The following ANO3 variants were observed in gnomAD, a reference collection of about 807,000 sequenced individuals.
The protein encoded by ANO3 is anoctamin-3.
A neutral mutation model predicts 144.8 loss-of-function variants in ANO3; 99 were observed. The ratio of observed to expected loss-of-function variants is 0.68; its 90% CI spans 0.58 to 0.81. ANO3 has a LOEUF of 0.81. Among genes scored for constraint, ANO3 ranks in the 30% least tolerant of loss-of-function variants. ANO3 has a pLI of 0.00. For missense variants in ANO3, 905 were observed against 1,202.2 expected (o/e 0.75, Z 3.66); for synonymous variants, 414 against 392.6 (o/e 1.05, Z -0.64).
intron 1 of ANO3, among the ~76,000 whole-genome samples, chr11:26,405,283 C>G (rs1215654603): frequency 1.3e-5 from 2 of 151,730 alleles, no homozygotes; most frequent in African/African-American, 4.8e-5. Context: ...CCTCAGTCAC[C>G]TTTGGATATC....
intron 3 of ANO3, among the ~76,000 whole-genome samples, chr11:26,453,517 CAAG>C (rs1859029276): frequency 6.6e-6 from 1 of 152,116 alleles, no homozygotes; most frequent in African/African-American, 2.4e-5. Context: ...ATCAATTCAA[CAAG>C]AAGAGCTAAC....
At chr11:26,374,890 C>T (rs1856362508) in intron 1 of ANO3, among the ~76,000 whole-genome samples, 1 of 152,126 alleles carries the variant, frequency 6.6e-6, no homozygotes, top group Non-Finnish European at 1.5e-5. Context: ...ATTACAGGTG[C>T]ACACCACCAT....
At chr11:26,283,420 T>C (rs530436627) in intron 1 of ANO3, among the ~76,000 whole-genome samples, 2 of 143,842 alleles carry the variant, frequency 1.4e-5, no homozygotes, top group African/African-American at 5.1e-5. Flanking sequence ...AACTCTGGGC[T>C]TTGGGTTTAT....
intron 1 of ANO3, among the ~76,000 whole-genome samples, chr11:26,235,029 G>A (rs868183265): frequency 3.5e-5 from 3 of 86,024 alleles, no homozygotes; most frequent in East Asian, 5.9e-4. Flanking sequence ...AGAGAGATGA[G>A]GGGAGAGCGA....
At chr11:26,608,325 ATCT>A in intron 17 of ANO3, among the ~76,000 whole-genome samples, 1 of 152,110 alleles carries the variant, frequency 6.6e-6, no homozygotes, top group South Asian at 2.1e-4. Flanking sequence ...TTCCTCTAAG[ATCT>A]CTGACCTCCA....
At chr11:26,287,800 G>A (rs1853843384) in intron 1 of ANO3, among the ~76,000 whole-genome samples, 2 of 152,120 alleles carry the variant, frequency 1.3e-5, no homozygotes, top group Admixed American at 6.5e-5. Context: ...GGTGTGAAAA[G>A]AGCCCTGAAA....
At chr11:26,616,069 A>G (rs765352534) in intron 17 of ANO3, among the ~76,000 whole-genome samples, 1 of 152,208 alleles carries the variant, frequency 6.6e-6, no homozygotes, top group Non-Finnish European at 1.5e-5. Context: ...AATTTTCAGT[A>G]ATCTTATTTT....
Position 26,647,771 on chromosome 11 carries a change from A to G in ANO3, c.2491A>G (p.Ile831Val). The G allele has an allele frequency of 6.2e-7, 1 of 1,613,176 alleles. No homozygotes were observed. Among genetic ancestry groups the G allele is most frequent in the Non-Finnish European group, 8.5e-7 (1 of 1,179,436 alleles). ...ILAVITNAFV[I>V]AITSDYIPRF... ...GGCTGTGATCACCAATGCATTTGTA[A>G]TTGCTATTACTTCTGATTACATCCC... Residue 831 changes from isoleucine to valine, a missense_variant, in exon 24 of 27, where the codon ATT becomes GTT. Around this residue, in one of 4 missense-constraint regions of ANO3, gnomAD observed 597 missense variants for 865.1 expected, o/e 0.69. Coordinates refer to ENST00000256737, the MANE Select transcript of ANO3 (RefSeq NM_031418.4).
chr11:26,293,646 T>C (rs1258004957), intron 1 of ANO3, among the ~76,000 whole-genome samples: 3 of 149,576 alleles, frequency 2.0e-5, no homozygotes, highest in African/African-American at 7.4e-5. Context: ...GATCATTTTA[T>C]GGAAATATAT....
intron 1 of ANO3, among the ~76,000 whole-genome samples, chr11:26,322,144 A>G (rs1475909923): frequency 6.6e-6 from 1 of 152,082 alleles, no homozygotes; most frequent in Non-Finnish European, 1.5e-5. Context: ...CTGCAAAACC[A>G]TGGTATTTAG....
intron 1 of ANO3, among the ~76,000 whole-genome samples, chr11:26,338,474 C>T (rs369353181): frequency 6.6e-6 from 1 of 151,264 alleles, no homozygotes; most frequent in Non-Finnish European, 1.5e-5. Flanking sequence ...GACCAATCAG[C>T]AGAATGTGGG....
At chr11:26,512,450 C>G (rs140225549) in intron 5 of ANO3, among the ~76,000 whole-genome samples, 1 of 152,168 alleles carries the variant, frequency 6.6e-6, no homozygotes, top group Non-Finnish European at 1.5e-5. Flanking sequence ...TTCTCCCTGA[C>G]AGCATCATCC....
intron 24 of ANO3, among the ~76,000 whole-genome samples, chr11:26,650,984 G>C (rs886540096): frequency 6.6e-6 from 1 of 152,138 alleles, no homozygotes; most frequent in African/African-American, 2.4e-5. Context: ...CATTGAAAAA[G>C]TTCAAGCACT....
chr11:26,564,301 T>G (rs935801606), intron 14 of ANO3, among the ~76,000 whole-genome samples: 3 of 151,614 alleles, frequency 2.0e-5, no homozygotes, highest in African/African-American at 7.3e-5. Context: ...ATTTCAGAAT[T>G]TAAAACTTTT....
chr11:26,283,273 A>C (rs1480632408), intron 1 of ANO3, among the ~76,000 whole-genome samples: 1 of 141,188 alleles, frequency 7.1e-6, no homozygotes, highest in African/African-American at 2.6e-5. Flanking sequence ...TGTCACATTC[A>C]CCAATCTGTT....
chr11:26,227,095 T>C (rs2133798282), intron 1 of ANO3, among the ~76,000 whole-genome samples: 1 of 152,320 alleles, frequency 6.6e-6, no homozygotes, highest in South Asian at 2.1e-4. Context: ...ACAATGTCTT[T>C]AGGATTCAAC....
chr11:26,218,830 A>G (rs1187627869), intron 1 of ANO3, among the ~76,000 whole-genome samples: 3 of 152,180 alleles, frequency 2.0e-5, no homozygotes, highest in Non-Finnish European at 4.4e-5. Context: ...CACAAAACTT[A>G]AAGGAAGAAA....
chr11:26,189,708 CTCTTT>C (rs946697857), intron 1 of ANO3, among the ~76,000 whole-genome samples: 2 of 152,228 alleles, frequency 1.3e-5, no homozygotes, highest in Admixed American at 1.3e-4. Context: ...TTTAATTCAT[CTCTTT>C]TATCTCTCAT....
At chr11:26,236,625 T>G (rs545290920) in intron 1 of ANO3, among the ~76,000 whole-genome samples, 1 of 152,040 alleles carries the variant, frequency 6.6e-6, no homozygotes, top group Non-Finnish European at 1.5e-5. Flanking sequence ...AAGACCATCC[T>G]GGCTAACACA....
Sources: allele counts gnomAD v4.1 joint callset (sites outside exome capture counted in the v4.1 genomes callset), GRCh38; gene constraint gnomAD v4.1.1; regional missense constraint gnomAD v4.1.1; transcripts MANE v1.5; gene names NCBI Gene and HGNC (gene_info 2026-07-23, HGNC 2026-07-21).